FANCM: variants seen among roughly 807,000 people sequenced by gnomAD.
FANCM encodes the protein Fanconi anemia group M protein.
In FANCM, 140 loss-of-function variants were observed where a neutral mutation model predicts 199.5. The ratio of observed to expected loss-of-function variants is 0.70; its 90% confidence interval spans 0.61 to 0.81. The LOEUF is 0.81. FANCM is among the 30% of genes least tolerant of loss of function. The pLI is 0.00. For synonymous variants in FANCM, 840 were observed against 836.8 expected, an observed-to-expected ratio of 1.00 and a Z score of -0.07; for missense variants, 2,410 against 2,421.4, an observed-to-expected ratio of 1.00 and a Z score of 0.10.
Position 45,136,081 on chromosome 14 carries a change from C to G in FANCM, c.50C>G (p.Ser17Cys), listed in dbSNP as rs781570928. Residue 17 changes from serine to cysteine, a missense_variant, in exon 1 of 23, where the codon TCC becomes TGC. By Grantham distance (112) the Ser-to-Cys change is moderately radical. Coordinates refer to ENST00000267430, the MANE Select transcript of FANCM (RefSeq NM_020937.4). ...TLFQTWGSSI[S>C]RSSGTPGCSS... ...TTTCAGACGTGGGGCTCAAGTATCT[C>G]CCGATCATCTGGGACTCCGGGTTGC... The G allele has an allele frequency of 1.9e-6, 3 of 1,614,030 alleles. No homozygotes were observed. In the South Asian group the frequency reaches 3.3e-5, roughly 18 times the overall value.
rs747666389 is a variant in FANCM, at chr14:45,153,967, T to C, written c.1098T>C (p.Ser366=). 3.1e-6 allele frequency: 5 copies of C among 1,602,668 alleles called. No homozygotes were observed. In the South Asian group the frequency reaches 4.4e-5, roughly 14 times the overall value. ...IIEGEFAICI[S]LYHGYELLQQ... is the part of the protein sequence containing the mutation. ...AGGGAGAGTTTGCTATTTGTATTAG[T>C]TTATATCATGGTTATGAATTATTGC... Residue 366 remains serine, a synonymous_variant, in exon 6 of 23, where the codon AGT becomes AGC. Coordinates refer to ENST00000267430, the MANE Select transcript of FANCM (RefSeq NM_020937.4).
chr14:45,136,171 A>G lies in FANCM; in HGVS notation c.140A>G (p.Glu47Gly), dbSNP rs756402229. The G allele has an allele frequency of 9.9e-6, 16 of 1,614,060 alleles. No individual in the cohort carries two copies. The African/African-American group carries it at 1.7e-4, about 18-fold the overall frequency. Residue 47 changes from glutamate to glycine, a missense_variant, in exon 1 of 23, where the codon GAG (glutamate) becomes GGG (glycine). Glu to Gly is a moderately conservative substitution (Grantham distance 98). Coordinates refer to ENST00000267430, the MANE Select transcript of FANCM (RefSeq NM_020937.4). ...AAGGCGCCTTTGCCAGCAGCAGCGG[A>G]GGCTCAGCTGGAGTCGGACGATGAT... ...SSKAPLPAAA[E>G]AQLESDDDVL...
At chr14:45,194,619 T>A (rs1450159253) in intron 20 of FANCM, among the ~76,000 whole-genome samples, 1 of 152,184 alleles carries the variant, frequency 6.6e-6, no homozygotes, top group African/African-American at 2.4e-5. Context: ...GATTATGTAA[T>A]AATTTGTTCA....
At chr14:45,161,448 A>G (rs772602457) in intron 9 of FANCM, among the ~76,000 whole-genome samples, 21 of 151,956 alleles carry the variant, frequency 1.4e-4, no homozygotes, top group South Asian at 8.3e-4. Context: ...GTTCTTGGAG[A>G]GTTTGGGGCA....
At chr14:45,143,962 G>A (rs1375329877) in intron 3 of FANCM, among the ~76,000 whole-genome samples, 2 of 152,074 alleles carry the variant, frequency 1.3e-5, no homozygotes, top group Admixed American at 1.3e-4. Flanking sequence ...AAAGTGCTGG[G>A]ATTACAGGCG....
At chr14:45,162,394 C>G (rs1293944262) in intron 9 of FANCM, among the ~76,000 whole-genome samples, 1 of 152,250 alleles carries the variant, frequency 6.6e-6, no homozygotes, top group East Asian at 1.9e-4. Flanking sequence ...AGAGGACCAG[C>G]TTATTTCCCC....
intron 2 of FANCM, among the ~76,000 whole-genome samples, chr14:45,139,998 A>T (rs1885794394): frequency 6.6e-6 from 1 of 152,152 alleles, no homozygotes; most frequent in African/African-American, 2.4e-5. Context: ...CTAAAAAAAA[A>T]ATTTTTTGTG....
chr14:45,198,110 A>T (rs954802613), intron 21 of FANCM, among the ~76,000 whole-genome samples: 2 of 152,108 alleles, frequency 1.3e-5, no homozygotes, highest in South Asian at 4.1e-4. Flanking sequence ...TTTGGAATAG[A>T]CAGGAAGGTA....
chr14:45,150,648 G>A (rs140687897), intron 4 of FANCM, among the ~76,000 whole-genome samples: 3 of 152,210 alleles, frequency 2.0e-5, no homozygotes, highest in East Asian at 3.9e-4. Context: ...TCATTCACAT[G>A]TGAACTCAAA....
At chr14:45,174,908 T>G (rs1358384745) in intron 13 of FANCM, among the ~76,000 whole-genome samples, 163 bp from the exon 14 acceptor site, 1 of 152,118 alleles carries the variant, frequency 6.6e-6, no homozygotes, top group Non-Finnish European at 1.5e-5. Context: ...GTAGTGTACT[T>G]TATAATTTTG....
chr14:45,170,712 A>G lies in FANCM; in HGVS notation c.2126A>G (p.Gln709Arg). 5 of 1,611,862 alleles carry G rather than the reference A, an allele frequency of 3.1e-6. No individual in the cohort carries two copies. Among genetic ancestry groups the G allele is most frequent in the Non-Finnish European group, 8.5e-7 (1 of 1,178,114 alleles). ...AAAGAGATAACATTGCCTCAAGTTC[A>G]GTTTTCTTCTTTACAAAATGAGGAA... is the stretch of plus-strand genomic sequence containing the variant. ...EIKEITLPQV[Q>R]FSSLQNEENK... The change falls in exon 12 of 23, where the codon CAG (glutamine) becomes CGG (arginine). Residue 709 changes from glutamine (Q) to arginine (R), a missense_variant. Gln to Arg is a conservative substitution (Grantham distance 43). Coordinates refer to ENST00000267430, the MANE Select transcript of FANCM (RefSeq NM_020937.4).
chr14:45,181,117 G>T (rs542719816), intron 14 of FANCM, among the ~76,000 whole-genome samples: 1 of 152,284 alleles, frequency 6.6e-6, no homozygotes, highest in South Asian at 2.1e-4. Flanking sequence ...TCTATTAATG[G>T]AACCAGTGAC....
Position 45,175,704 on chromosome 14 carries a change from A to G in FANCM, c.2950A>G (p.Lys984Glu), listed in dbSNP as rs1406779900. ...DQFYNCHSLT[K>E]EVLANVERFL... is the part of the protein sequence containing the mutation. Reference sequence around the variant, plus strand: ...ATTTTATAATTGTCACTCATTGACAAAAGAGGTACTAGCTAATGTAGAGAG... The same window carrying G: ...ATTTTATAATTGTCACTCATTGACAGAAGAGGTACTAGCTAATGTAGAGAG... The change falls in exon 14 of 23, where the codon AAA becomes GAA. Residue 984 changes from lysine (K) to glutamate (E), a missense_variant. Transcript: ENST00000267430. 1.9e-6 allele frequency: 3 copies of G among 1,613,712 alleles called. No homozygotes were observed. The African/African-American group carries it at 4.0e-5, about 22-fold the overall frequency.
Position 45,181,542 on chromosome 14 carries a change from C to A in FANCM, c.4317+18C>A. On this transcript the variant is annotated intron_variant, in intron 15 of 22. Coordinates refer to ENST00000267430, the MANE Select transcript of FANCM (RefSeq NM_020937.4). The stretch of plus-strand genomic sequence containing the variant: ...CTCCTGAGGTGAGTCATTCAGTAAT[C>A]ACAATAGTATAATCATATCAAAGGC... 1 of 1,545,306 alleles carries A rather than the reference C, an allele frequency of 6.5e-7. No individual in the cohort carries two copies. Among genetic ancestry groups the A allele is most frequent in the Non-Finnish European group, 8.9e-7 (1 of 1,117,464 alleles).
chr14:45,159,317 A>T, intron 9 of FANCM, 37 bp downstream of exon 9: 1 of 1,476,942 alleles, frequency 6.8e-7, no homozygotes, highest in South Asian at 1.2e-5. Flanking sequence ...TAAAAATAAG[A>T]TTGATTAGCT....
intron 22 of FANCM, 129 bp from the exon 23 acceptor site, chr14:45,199,741 A>G: frequency 1.3e-6 from 1 of 782,226 alleles, no homozygotes. Flanking sequence ...TTCAAGACAT[A>G]TCAGCTGGGC....
At chr14:45,191,705 C>T (rs1386416524) in intron 20 of FANCM, among the ~76,000 whole-genome samples, 1 of 152,074 alleles carries the variant, frequency 6.6e-6, no homozygotes, top group Non-Finnish European at 1.5e-5. Context: ...ATTCTTATTA[C>T]TTGAAATTAG....
At chr14:45,186,482 C>T (rs1322297297) in intron 18 of FANCM, among the ~76,000 whole-genome samples, 3 of 152,156 alleles carry the variant, frequency 2.0e-5, no homozygotes, top group Admixed American at 1.3e-4. Context: ...TCTAATCTTT[C>T]ACAGATCTCA....
chr14:45,198,566 T>TCCG, intron 21 of FANCM, 78 bp from the exon 22 acceptor site: 1 of 920,746 alleles, frequency 1.1e-6, no homozygotes, highest in South Asian at 2.2e-5. Flanking sequence ...CTTGGGATTT[T>TCCG]AATAAAATAA....
Sources: allele counts gnomAD v4.1 joint callset (sites outside exome capture counted in the v4.1 genomes callset), GRCh38; gene constraint gnomAD v4.1.1; transcripts MANE v1.5; gene names NCBI Gene and HGNC (gene_info 2026-07-23, HGNC 2026-07-21).